The following ELOVL7 variants were observed in gnomAD, a reference collection of about 807,000 sequenced individuals.
ELOVL7 encodes the protein very long chain fatty acid elongase 7.
ELOVL7 carries 27 observed loss-of-function variants against 35.7 expected under a neutral mutation model. That is an observed-to-expected ratio of 0.76 (90% CI 0.56 to 1.04). ELOVL7 has a LOEUF of 1.04. ELOVL7 is among the 50% of genes least tolerant of loss of function. The pLI is 0.00. For synonymous variants in ELOVL7, 113 were observed against 114.6 expected (o/e 0.99, Z 0.09); for missense variants, 327 against 340.8 (o/e 0.96, Z 0.32).
chr5:60,793,237 A>G (rs930759765), intron 2 of ELOVL7, among the ~76,000 whole-genome samples: 1 of 152,180 alleles, frequency 6.6e-6, no homozygotes, highest in African/African-American at 2.4e-5. Context: ...AACTCATCTC[A>G]TATTTGGGTA....
chr5:60,835,286 T>C (rs760131214), intron 1 of ELOVL7, among the ~76,000 whole-genome samples: 1 of 151,732 alleles, frequency 6.6e-6, no homozygotes, highest in East Asian at 1.9e-4. Flanking sequence ...ACCTAGAACT[T>C]AATCTACAAT....
intron 3 of ELOVL7, among the ~76,000 whole-genome samples, chr5:60,780,487 G>A (rs1033005864): frequency 1.2e-4 from 18 of 152,038 alleles, no homozygotes; most frequent in African/African-American, 2.9e-4. Context: ...CCTTTAGCCC[G>A]TTTCAAAGTC....
intron 1 of ELOVL7, among the ~76,000 whole-genome samples, chr5:60,804,550 A>G (rs1490328087): frequency 6.6e-6 from 1 of 152,192 alleles, no homozygotes; most frequent in Non-Finnish European, 1.5e-5. Flanking sequence ...AACTGTACAG[A>G]TGATAGTGAC....
intron 8 of ELOVL7, 49 bp downstream of exon 8, chr5:60,757,460 G>C (rs1218958948): frequency 1.9e-6 from 3 of 1,580,562 alleles, no homozygotes; most frequent in Admixed American, 3.4e-5. Context: ...GTGAAAACAA[G>C]TGACTCTAGC....
In ELOVL7 at chr5:60,807,992, CAAAAAAAAA is replaced by C. The variant is rs34086506; in HGVS notation, c.-85-8771_-85-8763del. Among the ~76,000 whole-genome samples, 30 of 42,422 alleles carry C rather than the reference CAAAAAAAAA, an allele frequency of 7.1e-4. No individual in the cohort carries two copies. In the South Asian group the frequency reaches 0.01, roughly 14 times the overall value. 27.8% of individuals were successfully genotyped at this position (42,422 alleles called of 152,430 possible). A position where few individuals can be genotyped will look rare whatever the true frequency, so the allele number is the denominator to read the frequency against. ...CCAGCCTGGGCGTGAGACTCCGTCT[CAAAAAAAAA>C]AAAAAAAAAAAAAAAAAAAAGAATA... On this transcript the variant is annotated intron_variant, in intron 1 of 8. Transcript: ENST00000508821.
At chr5:60,795,478 G>C (rs114012052) in intron 2 of ELOVL7, among the ~76,000 whole-genome samples, 5,275 of 152,252 alleles carry the variant, frequency 0.035, 115 homozygotes, top group Non-Finnish European at 0.048. Context: ...ATAAACCCCA[G>C]GCATTCCAGC....
intron 6 of ELOVL7, among the ~76,000 whole-genome samples, chr5:60,764,879 A>T (rs1742143280): frequency 6.6e-6 from 1 of 152,132 alleles, no homozygotes; most frequent in Non-Finnish European, 1.5e-5. Context: ...ACTGCATAGA[A>T]AAAAAATGAG....
intron 1 of ELOVL7, among the ~76,000 whole-genome samples, chr5:60,839,139 G>A (rs1244667511): frequency 2.0e-5 from 3 of 151,824 alleles, no homozygotes; most frequent in East Asian, 1.9e-4. Flanking sequence ...TCAGGTGTTC[G>A]AGAACAGACT....
intron 1 of ELOVL7, among the ~76,000 whole-genome samples, chr5:60,836,220 C>T (rs896191438): frequency 2.0e-5 from 3 of 151,600 alleles, no homozygotes; most frequent in African/African-American, 7.3e-5. Flanking sequence ...CCATTTTTTT[C>T]CTTTAGAAGA....
At chr5:60,840,776 G>A (rs1289003629) in intron 1 of ELOVL7, among the ~76,000 whole-genome samples, 2 of 152,076 alleles carry the variant, frequency 1.3e-5, no homozygotes, top group African/African-American at 2.4e-5. Flanking sequence ...TTCTACTTCT[G>A]GAACAGTATC....
At chr5:60,838,037 A>G (rs1746934427) in intron 1 of ELOVL7, among the ~76,000 whole-genome samples, 1 of 152,232 alleles carries the variant, frequency 6.6e-6, no homozygotes, top group African/African-American at 2.4e-5. Context: ...AGGTTTCATA[A>G]AGGTGAAATG....
intron 2 of ELOVL7, among the ~76,000 whole-genome samples, chr5:60,793,789 G>GA (rs1418607531): frequency 2.0e-5 from 3 of 152,102 alleles, no homozygotes; most frequent in Non-Finnish European, 4.4e-5. Context: ...TGAAAAAGAA[G>GA]AAAGTACACT....
In ELOVL7 at chr5:60,754,315, A is replaced by G. The variant is rs1741402748; in HGVS notation, c.*309T>C. 5 of 313,984 alleles carry G rather than the reference A, an allele frequency of 1.6e-5. No individual in the cohort carries two copies. The South Asian group carries it at 1.6e-4, about 10-fold the overall frequency. 19.4% of individuals were successfully genotyped at this position (313,984 alleles called of 1,614,324 possible). ...TCTTTATTGGACTTCTTTGAAGAGT[A>G]CTGTATTGCTTCATATCTTTTTTTC... On this transcript the variant is annotated 3_prime_UTR_variant, in exon 9 of 9. Transcript: ENST00000508821.
intron 2 of ELOVL7, among the ~76,000 whole-genome samples, chr5:60,792,507 C>T (rs1365237568): frequency 6.6e-6 from 1 of 152,152 alleles, no homozygotes; most frequent in East Asian, 1.9e-4. Context: ...TAGACCCAGA[C>T]ATATCTTTGC....
intron 5 of ELOVL7, 144 bp downstream of exon 5, chr5:60,767,679 T>C: frequency 4.3e-6 from 2 of 465,114 alleles, no homozygotes; most frequent in Non-Finnish European, 7.9e-6. Context: ...TTTATTCTTG[T>C]AATTGTTCAC....
At chr5:60,805,427 A>G (rs1744867463) in intron 1 of ELOVL7, among the ~76,000 whole-genome samples, 1 of 152,210 alleles carries the variant, frequency 6.6e-6, no homozygotes, top group Non-Finnish European at 1.5e-5. Flanking sequence ...CTGATTCTGG[A>G]GGAACCAAAG....
At chr5:60,754,981 A>AATGTCACTGGTAT (rs1741450629) in intron 8 of ELOVL7, 148 bp from the exon 9 acceptor site, 1 of 677,424 alleles carries the variant, frequency 1.5e-6, no homozygotes, top group Admixed American at 2.9e-5. Flanking sequence ...TGAGAGTGAT[A>AATGTCACTGGTAT]ATGGGTGGTA....
Position 60,791,814 on chromosome 5 carries a change from C to T in ELOVL7, c.-34-4383G>A, listed in dbSNP as rs768444448. On this transcript the variant is annotated intron_variant, in intron 2 of 8. Coordinates refer to ENST00000508821, the MANE Select transcript of ELOVL7 (RefSeq NM_024930.3). The stretch of plus-strand genomic sequence containing the variant: ...AAAATTAAACTACTGAAATAAGGCT[C>T]GTTAAGTTATTCAGAATCAGAGTGA... 5.3e-4 allele frequency among the ~76,000 whole-genome samples: 80 copies of T among 152,110 alleles called. 1 individual carries two copies. The highest frequency in any genetic ancestry group is 9.0e-4 in the Non-Finnish European group (61 of 68,022).
At chr5:60,825,184 G>A (rs373282970) in intron 1 of ELOVL7, among the ~76,000 whole-genome samples, 65 of 152,144 alleles carry the variant, frequency 4.3e-4, no homozygotes, top group African/African-American at 1.5e-3. Context: ...ACCATGCCCA[G>A]CCTCACTTCT....
Sources: gnomAD v4.1 joint callset for allele counts (sites outside exome capture counted in the v4.1 genomes callset) on GRCh38, gnomAD v4.1.1 for gene constraint, MANE v1.5 for transcripts, NCBI Gene and HGNC (gene_info 2026-07-23, HGNC 2026-07-21) for gene names.